The following CD44 variants were observed in gnomAD, a reference collection of about 807,000 sequenced individuals.
The protein encoded by CD44 is CD44 molecule (IN blood group).
Under a neutral mutation model 88.8 loss-of-function variants are expected in CD44, and 49 were observed. That is an observed-to-expected ratio of 0.55 (90% CI 0.44 to 0.70). CD44 has a LOEUF of 0.70. Ranked by LOEUF, CD44 falls within the 30% of genes least tolerant of loss-of-function variation. The probability of loss-of-function intolerance (pLI) is 0.00; values close to 1 mark genes in which losing one functional copy is unlikely to be tolerated. For missense variants in CD44, 883 were observed against 913.8 expected (o/e 0.97, Z 0.43); for synonymous variants, 325 against 312.3 (o/e 1.04, Z -0.43).
intron 5 of CD44, among the ~76,000 whole-genome samples, chr11:35,194,233 G>A (rs1946527941): frequency 2.6e-5 from 4 of 152,168 alleles, no homozygotes. Context: ...ATACCCATGA[G>A]GAATTTGCAT....
chr11:35,190,064 C>T lies in CD44; in HGVS notation c.666C>T (p.Thr222=), dbSNP rs749871573. Residue 222 remains threonine, a splice_region_variant and synonymous_variant, in exon 5 of 18, where the codon ACC becomes ACT. Coordinates refer to ENST00000428726, the MANE Select transcript of CD44 (RefSeq NM_000610.4). ...ACAGCACAGACAGAATCCCTGCTAC[C>T]AGTAAGGAGAATAAATCACTGTGCT... ...ITDSTDRIPA[T]TLMSTSATAT... The T allele has an allele frequency of 1.6e-5, 26 of 1,610,818 alleles. No homozygotes were observed. The highest frequency in any genetic ancestry group is 2.0e-5 in the Non-Finnish European group (23 of 1,177,048).
intron 5 of CD44, among the ~76,000 whole-genome samples, chr11:35,193,086 G>C (rs113159671): frequency 6.6e-6 from 1 of 152,032 alleles, no homozygotes; most frequent in Admixed American, 6.6e-5. Context: ...TTGTCTGGAG[G>C]CTTCATGGGT....
At chr11:35,218,720 T>A (rs1054117268) in intron 15 of CD44, among the ~76,000 whole-genome samples, 2 of 152,184 alleles carry the variant, frequency 1.3e-5, no homozygotes, top group Non-Finnish European at 2.9e-5. Context: ...GGGGGTCTTG[T>A]TAAAATGAAG....
At chr11:35,141,444 G>A (rs1857914733) in intron 1 of CD44, among the ~76,000 whole-genome samples, 1 of 152,210 alleles carries the variant, frequency 6.6e-6, no homozygotes, top group Non-Finnish European at 1.5e-5. Context: ...CTGGAGATCA[G>A]GGAGAGCCCT....
chr11:35,189,227 G>A lies in CD44; in HGVS notation c.437-608G>A, dbSNP rs534990034. ...TTGAATTTCACAGAGAACGGCAAAT[G>A]CTCTTCTGTATTTAGACCTGCTGGT... On this transcript the variant is annotated intron_variant, in intron 4 of 17. Coordinates refer to ENST00000428726, the MANE Select transcript of CD44 (RefSeq NM_000610.4). Among the ~76,000 whole-genome samples, 10 of 152,294 alleles carry A rather than the reference G, an allele frequency of 6.6e-5. No homozygotes were observed. In the South Asian group the frequency reaches 1.5e-3, roughly 22 times the overall value.
intron 16 of CD44, among the ~76,000 whole-genome samples, chr11:35,221,279 A>G (rs1949274947): frequency 6.6e-6 from 1 of 152,124 alleles, no homozygotes. Flanking sequence ...GGATAGGTGG[A>G]TGCTCTTATA....
At chr11:35,150,737 A>G (rs1218280892) in intron 1 of CD44, among the ~76,000 whole-genome samples, 2 of 152,236 alleles carry the variant, frequency 1.3e-5, no homozygotes, top group African/African-American at 2.4e-5. Flanking sequence ...AGCTAATCAT[A>G]CAGACACAGT....
intron 1 of CD44, among the ~76,000 whole-genome samples, chr11:35,175,958 T>C (rs1333907382): frequency 6.7e-6 from 1 of 149,004 alleles, no homozygotes; most frequent in African/African-American, 2.5e-5. Flanking sequence ...CTCTGCCTCC[T>C]GGTTCAAGTG....
At chr11:35,160,563 C>T (rs965484979) in intron 1 of CD44, among the ~76,000 whole-genome samples, 2 of 152,174 alleles carry the variant, frequency 1.3e-5, no homozygotes, top group African/African-American at 4.8e-5. Context: ...GATATGTAGC[C>T]TTCTTCTAGA....
At chr11:35,158,980 G>A (rs1437293065) in intron 1 of CD44, among the ~76,000 whole-genome samples, 1 of 152,170 alleles carries the variant, frequency 6.6e-6, no homozygotes, top group Non-Finnish European at 1.5e-5. Flanking sequence ...TGGGGCTGGA[G>A]GAAGAAATGG....
chr11:35,181,849 T>TTA (rs1373010205), intron 3 of CD44, among the ~76,000 whole-genome samples: 26 of 99,768 alleles, frequency 2.6e-4, no homozygotes, highest in African/African-American at 1.0e-3. Context: ...AAAATTATAT[T>TTA]TATATATAAA....
intron 17 of CD44, among the ~76,000 whole-genome samples, chr11:35,228,576 A>C (rs960534061): frequency 6.6e-6 from 1 of 152,256 alleles, no homozygotes; most frequent in Non-Finnish European, 1.5e-5. Flanking sequence ...AGATAGAAAG[A>C]GAATCAGAAC....
At chr11:35,177,406 C>A (rs141850951) in intron 2 of CD44, among the ~76,000 whole-genome samples, 3 of 152,172 alleles carry the variant, frequency 2.0e-5, no homozygotes, top group Non-Finnish European at 2.9e-5. Context: ...AATGGCCTTG[C>A]GGTAAGCGGT....
chr11:35,198,622 T>G (rs2134003208), intron 7 of CD44: 1 of 165,660 alleles, frequency 6.0e-6, no homozygotes, highest in Admixed American at 6.2e-5. Context: ...GAGCCTTTGC[T>G]TTTCAGAAGC....
intron 1 of CD44, among the ~76,000 whole-genome samples, chr11:35,157,188 G>A (rs569691555): frequency 5.3e-5 from 8 of 152,290 alleles, no homozygotes; most frequent in Admixed American, 4.6e-4. Flanking sequence ...CCTTTTTGAA[G>A]TCCCCATATC....
Position 35,229,365 on chromosome 11 carries a change from C to T in CD44, c.*32C>T, listed in dbSNP as rs143090019. On this transcript the variant is annotated 3_prime_UTR_variant, in exon 18 of 18. Coordinates refer to ENST00000428726, the MANE Select transcript of CD44 (RefSeq NM_000610.4). ...CACCATTATCTTGGAAAGAAACAACCGTTGGAAACATAACCATTACAGGGA... is the reference window on the plus strand; with the variant it reads ...CACCATTATCTTGGAAAGAAACAACTGTTGGAAACATAACCATTACAGGGA... The T allele has an allele frequency of 2.8e-5, 40 of 1,425,794 alleles. No individual in the cohort carries two copies. Among genetic ancestry groups the T allele is most frequent in the East Asian group, 2.1e-4 (9 of 43,688 alleles). 88.3% of individuals were successfully genotyped at this position (1,425,794 alleles called of 1,614,324 possible).
intron 1 of CD44, among the ~76,000 whole-genome samples, chr11:35,147,934 C>CA (rs375211340): frequency 2.0e-5 from 3 of 151,946 alleles, no homozygotes; most frequent in East Asian, 1.9e-4. Flanking sequence ...ACTAAAAATA[C>CA]AAAAAAATTA....
chr11:35,221,557 G>A (rs1417946508), intron 16 of CD44, 97 bp from the exon 17 acceptor site: 2 of 1,004,830 alleles, frequency 2.0e-6, no homozygotes, highest in Non-Finnish European at 3.2e-6. Flanking sequence ...CGCTGACTGT[G>A]GTGCTTGTTT....
chr11:35,229,316 A>C lies in CD44; in HGVS notation c.2212A>C (p.Met738Leu). Residue 738 changes from methionine to leucine, a missense_variant, in exon 18 of 18, where the codon ATG becomes CTG. By Grantham distance (15) the Met-to-Leu change is conservative (BLOSUM62 2). This residue lies in a region of CD44 where 631 missense variants were observed against 590.9 expected (regional missense o/e 1.07). Transcript: ENST00000428726. ...GACAAGGAACCTGCAGAATGTGGAC[A>C]TGAAGATTGGGGTGTAACACCTACA... ...DETRNLQNVD[M>L]KIGV 6.2e-7 allele frequency: 1 copy of C among 1,612,442 alleles called. No individual in the cohort carries two copies. Among genetic ancestry groups the C allele is most frequent in the Non-Finnish European group, 8.5e-7 (1 of 1,178,512 alleles).
Sources: allele counts gnomAD v4.1 joint callset (sites outside exome capture counted in the v4.1 genomes callset), GRCh38; gene constraint gnomAD v4.1.1; regional missense constraint gnomAD v4.1.1; transcripts MANE v1.5; gene names NCBI Gene and HGNC (gene_info 2026-07-23, HGNC 2026-07-21).